Variants in DLG2 observed in about 807,000 individuals in gnomAD.
The protein encoded by DLG2 is discs large MAGUK scaffold protein 2.
A neutral mutation model predicts 132.5 loss-of-function variants in DLG2; 45 were observed. The ratio of observed to expected loss-of-function variants is 0.34; its 90% CI spans 0.27 to 0.44. DLG2 has a LOEUF of 0.44. Among genes scored for constraint, DLG2 ranks in the 20% least tolerant of loss-of-function variants. The pLI is 1.00. For missense variants in DLG2, 1,045 were observed against 1,196.9 expected (o/e 0.87, Z 1.87); for synonymous variants, 424 against 419.6 (o/e 1.01, Z -0.13).
chr11:83,859,405 T>C (rs1197965469), intron 16 of DLG2, among the ~76,000 whole-genome samples: 1 of 152,218 alleles, frequency 6.6e-6, no homozygotes, highest in Non-Finnish European at 1.5e-5. Context: ...GGGAACTTGT[T>C]GGGAACTGGA....
At chr11:84,261,000 G>A (rs565706554) in intron 7 of DLG2, among the ~76,000 whole-genome samples, 84 of 152,234 alleles carry the variant, frequency 5.5e-4, no homozygotes, top group African/African-American at 1.6e-3. Flanking sequence ...CACTCTATGT[G>A]GTGCTATTCC....
intron 7 of DLG2, among the ~76,000 whole-genome samples, chr11:84,375,806 C>T (rs2098726764): frequency 6.6e-6 from 1 of 152,016 alleles, no homozygotes; most frequent in African/African-American, 2.4e-5. Flanking sequence ...ATGTTACACA[C>T]ATTTATCTTA....
At chr11:83,750,625 T>C (rs777198031) in intron 18 of DLG2, among the ~76,000 whole-genome samples, 11 of 152,144 alleles carry the variant, frequency 7.2e-5, no homozygotes, top group Non-Finnish European at 1.6e-4. Flanking sequence ...TCCATGACAT[T>C]ATAGATATAT....
In DLG2 at chr11:85,506,928, T is replaced by G. The variant is rs996778737; in HGVS notation, c.40+91729A>C. ...GTATTGGGTGCATATATATTTAGGA[T>G]AGTTAGTTCTTCTTGTCGAATTGAT... On this transcript the variant is annotated intron_variant, in intron 3 of 27. Coordinates refer to ENST00000376104, the MANE Select transcript of DLG2 (RefSeq NM_001142699.3). Among the ~76,000 whole-genome samples, 13 of 152,366 alleles carry G rather than the reference T, an allele frequency of 8.5e-5. No homozygotes were observed. The East Asian group carries it at 1.7e-3, about 20-fold the overall frequency.
In DLG2 at chr11:84,781,042, G is replaced by T. The variant is rs1453288907; in HGVS notation, c.358-246311C>A. ...GACAAGACTTCATTGTCTGCCAAAAGTTCATCATAACTTAATGTGTGTGTG... is the reference window on the plus strand; with the variant it reads ...GACAAGACTTCATTGTCTGCCAAAATTTCATCATAACTTAATGTGTGTGTG... On this transcript the variant is annotated intron_variant, in intron 6 of 27. Coordinates refer to ENST00000376104, the MANE Select transcript of DLG2 (RefSeq NM_001142699.3). Among the ~76,000 whole-genome samples the T allele has an allele frequency of 3.8e-5, 5 of 132,502 alleles. No homozygotes were observed. The Admixed American group carries it at 4.0e-4, about 11-fold the overall frequency. 86.9% of individuals were successfully genotyped at this position (132,502 alleles called of 152,430 possible).
intron 19 of DLG2, among the ~76,000 whole-genome samples, chr11:83,550,860 T>A (rs940450079): frequency 6.6e-6 from 1 of 152,196 alleles, no homozygotes; most frequent in Non-Finnish European, 1.5e-5. Context: ...GCTAAAAATG[T>A]AGATCAAGCT....
chr11:83,914,670 T>C (rs1210510400), intron 15 of DLG2, among the ~76,000 whole-genome samples: 2 of 152,128 alleles, frequency 1.3e-5, no homozygotes, highest in East Asian at 3.9e-4. Context: ...ACACGGCTAG[T>C]GAGTAGAGCC....
chr11:84,636,760 G>T (rs942896041), intron 6 of DLG2, among the ~76,000 whole-genome samples: 2 of 148,534 alleles, frequency 1.3e-5, no homozygotes, highest in Admixed American at 6.8e-5. Context: ...ATAAACTTAA[G>T]ATCTCTGATC....
At chr11:84,819,076 T>TACACACACACACAC (rs111644735) in intron 6 of DLG2, among the ~76,000 whole-genome samples, 10,588 of 129,260 alleles carry the variant, frequency 0.082, 555 homozygotes, top group Middle Eastern at 0.12. Context: ...CACTCACAAA[T>TACACACACACACAC]ACACACACAC....
In DLG2 at chr11:85,582,660, C is replaced by CAAAAAAAAAAAAAAAAAAAA. The variant is rs59452629; in HGVS notation, c.40+15977_40+15996dup. Among the ~76,000 whole-genome samples the CAAAAAAAAAAAAAAAAAAAA allele has an allele frequency of 1.3e-3, 36 of 27,142 alleles. 6 individuals are homozygous for CAAAAAAAAAAAAAAAAAAAA. The highest frequency in any genetic ancestry group is 2.1e-3 in the Non-Finnish European group (29 of 13,820). The allele number at this position is 27,142 out of a possible 152,430, so 17.8% of individuals were successfully genotyped here. ...GCAACATGGTGAAACCCCATCTCTA[C>CAAAAAAAAAAAAAAAAAAAA]AAAAAAAAAAAAAAAAAAAAAAAAA... On this transcript the variant is annotated intron_variant, in intron 3 of 27. Transcript: ENST00000376104.
At chr11:85,087,489 T>C (rs1165863220) in intron 6 of DLG2, among the ~76,000 whole-genome samples, 1 of 152,166 alleles carries the variant, frequency 6.6e-6, no homozygotes, top group Non-Finnish European at 1.5e-5. Flanking sequence ...AAGAAAACCA[T>C]GTGGCTAAAC....
Position 83,466,697 on chromosome 11 carries a change from C to A in DLG2, c.2729+11G>T. 6.6e-7 allele frequency: 1 copy of A among 1,525,768 alleles called. No homozygotes were observed. Among genetic ancestry groups the A allele is most frequent in the South Asian group, 1.1e-5 (1 of 89,328 alleles). 94.5% of individuals were successfully genotyped at this position (1,525,768 alleles called of 1,614,324 possible). ...TCAGTTGGATGAAGGCCTCCAATGC[C>A]CTCTACTCACATAAGAGGTTCCAGA... On this transcript the variant is annotated intron_variant, in intron 26 of 27. Transcript: ENST00000376104.
At chr11:83,516,787 T>G (rs2095310056) in intron 21 of DLG2, among the ~76,000 whole-genome samples, 1 of 152,242 alleles carries the variant, frequency 6.6e-6, no homozygotes, top group Non-Finnish European at 1.5e-5. Context: ...CTTATGAAGC[T>G]TAGTTTGGCT....
At chr11:83,811,780 T>C (rs117051170) in intron 17 of DLG2, among the ~76,000 whole-genome samples, 4,597 of 152,110 alleles carry the variant, frequency 0.03, 104 homozygotes, top group Middle Eastern at 0.085. Context: ...AAGAACAACA[T>C]TGGAGTTGTC....
At chr11:85,279,205 G>A (rs191624592) in intron 4 of DLG2, among the ~76,000 whole-genome samples, 4 of 152,202 alleles carry the variant, frequency 2.6e-5, no homozygotes, top group African/African-American at 9.6e-5. Context: ...AAGATAGCCG[G>A]GCAGAGCTGA....
chr11:85,229,492 A>G (rs1021392117), intron 4 of DLG2, among the ~76,000 whole-genome samples: 10 of 152,152 alleles, frequency 6.6e-5, no homozygotes, highest in African/African-American at 2.4e-4. Flanking sequence ...AGGAAACAAC[A>G]GATTCTGGAG....
At chr11:84,254,009 G>C (rs371473436) in intron 7 of DLG2, among the ~76,000 whole-genome samples, 1 of 152,190 alleles carries the variant, frequency 6.6e-6, no homozygotes, top group Non-Finnish European at 1.5e-5. Context: ...ACACAGTCTG[G>C]TGAAGCCTTA....
chr11:85,441,752 G>T (rs531411449), intron 3 of DLG2, among the ~76,000 whole-genome samples: 1 of 152,192 alleles, frequency 6.6e-6, no homozygotes, highest in Non-Finnish European at 1.5e-5. Context: ...ATGTATAAAG[G>T]CACTGTTCTA....
chr11:84,486,852 C>CCTGG (rs773945858), intron 7 of DLG2, among the ~76,000 whole-genome samples: 33 of 151,796 alleles, frequency 2.2e-4, no homozygotes, highest in Non-Finnish European at 4.1e-4. Context: ...TATTCAAGAC[C>CCTGG]CTGGCTCTGA....
Sources: gnomAD v4.1 joint callset for allele counts (sites outside exome capture counted in the v4.1 genomes callset) on GRCh38, gnomAD v4.1.1 for gene constraint, MANE v1.5 for transcripts, NCBI Gene and HGNC (gene_info 2026-07-23, HGNC 2026-07-21) for gene names.